The following DGKB variants were observed in gnomAD, a reference collection of about 807,000 sequenced individuals.
DGKB encodes the protein 90 kDa diacylglycerol kinase.
Under a neutral mutation model 114.3 loss-of-function variants are expected in DGKB, and 67 were observed. The observed-to-expected ratio is 0.59, with a 90% confidence interval of 0.48 to 0.72. The LOEUF is 0.72. Among genes scored for constraint, DGKB ranks in the 30% least tolerant of loss-of-function variants. The pLI is 0.00. For missense variants in DGKB, 907 were observed against 975.2 expected, an observed-to-expected ratio of 0.93 and a Z score of 0.93; for synonymous variants, 398 against 323.1, an observed-to-expected ratio of 1.23 and a Z score of -2.49.
At chr7:14,826,480 T>C (rs562990198) in intron 2 of DGKB, among the ~76,000 whole-genome samples, 2 of 152,242 alleles carry the variant, frequency 1.3e-5, no homozygotes, top group South Asian at 4.1e-4. Context: ...CTATATTCAT[T>C]TTCTTTCTTT....
At chr7:14,340,327 G>T (rs1398297528) in intron 22 of DGKB, among the ~76,000 whole-genome samples, 1 of 151,402 alleles carries the variant, frequency 6.6e-6, no homozygotes, top group Admixed American at 6.6e-5. Flanking sequence ...AAGTAATCTT[G>T]TGTAAATACC....
intron 1 of DGKB, among the ~76,000 whole-genome samples, chr7:14,941,824 A>G (rs1283261143): frequency 6.6e-6 from 1 of 152,092 alleles, no homozygotes. Context: ...AGATGAATAA[A>G]ACGGATGATT....
At chr7:14,788,655 G>A (rs905759093) in intron 2 of DGKB, among the ~76,000 whole-genome samples, 2 of 152,084 alleles carry the variant, frequency 1.3e-5, no homozygotes, top group Non-Finnish European at 2.9e-5. Context: ...TCCCAAGCCT[G>A]ATGAGCCTCT....
At chr7:14,942,911 T>C (rs67808393) in intron 1 of DGKB, among the ~76,000 whole-genome samples, 20,174 of 151,992 alleles carry the variant, frequency 0.13, 1,400 homozygotes, top group Admixed American at 0.19. Flanking sequence ...AAGCCTGATC[T>C]AGCATTATAT....
chr7:14,781,185 C>T (rs906207972), intron 2 of DGKB, among the ~76,000 whole-genome samples: 2 of 152,190 alleles, frequency 1.3e-5, no homozygotes, highest in Non-Finnish European at 2.9e-5. Context: ...AGCAAGGGGC[C>T]GACTAACTCA....
chr7:14,603,124 T>TTTA (rs1448968303), intron 17 of DGKB, among the ~76,000 whole-genome samples: 7 of 151,990 alleles, frequency 4.6e-5, no homozygotes, highest in African/African-American at 1.7e-4. Flanking sequence ...TTTTGTTACT[T>TTTA]TTATTAATCC....
intron 20 of DGKB, among the ~76,000 whole-genome samples, chr7:14,556,478 G>C (rs1250040941): frequency 6.6e-6 from 1 of 151,732 alleles, no homozygotes; most frequent in Non-Finnish European, 1.5e-5. Flanking sequence ...TTAAAAATTT[G>C]TTGACTGACA....
chr7:14,864,862 A>G lies in DGKB; in HGVS notation c.-187-23412T>C, dbSNP rs2128186318. Among the ~76,000 whole-genome samples, 3 of 152,250 alleles carry G rather than the reference A, an allele frequency of 2.0e-5. No individual in the cohort carries two copies. The South Asian group carries it at 6.2e-4, about 32-fold the overall frequency. Reference sequence around the variant, plus strand: ...AGACTTAATCCTTTAGGGATGGGTAACTATTTTTAAAATACAAGTGGGAGA... The same window carrying G: ...AGACTTAATCCTTTAGGGATGGGTAGCTATTTTTAAAATACAAGTGGGAGA... On this transcript the variant is annotated intron_variant, in intron 1 of 25. Coordinates refer to ENST00000402815, the MANE Select transcript of DGKB (RefSeq NM_001350709.2).
chr7:14,700,732 C>G (rs1301898969), intron 7 of DGKB, among the ~76,000 whole-genome samples: 1 of 152,094 alleles, frequency 6.6e-6, no homozygotes, highest in Non-Finnish European at 1.5e-5. Context: ...GGTGGTCTAT[C>G]AGATGACGAG....
chr7:14,564,718 G>A (rs1797142144), intron 20 of DGKB, among the ~76,000 whole-genome samples: 2 of 151,894 alleles, frequency 1.3e-5, no homozygotes, highest in South Asian at 4.2e-4. Flanking sequence ...AGACTTCTTA[G>A]CAGCTTTCTA....
chr7:14,897,014 A>T (rs142561161), intron 1 of DGKB, among the ~76,000 whole-genome samples: 2 of 151,950 alleles, frequency 1.3e-5, no homozygotes, highest in East Asian at 1.9e-4. Context: ...TCATTCCGAG[A>T]TTACTCTATT....
intron 21 of DGKB, among the ~76,000 whole-genome samples, chr7:14,411,429 G>T (rs1212422132): frequency 6.6e-6 from 1 of 152,190 alleles, no homozygotes; most frequent in Non-Finnish European, 1.5e-5. Context: ...AGATACGGGA[G>T]TAAAGAACTA....
intron 5 of DGKB, among the ~76,000 whole-genome samples, chr7:14,730,778 A>G (rs1830791195): frequency 1.3e-5 from 2 of 152,178 alleles, no homozygotes; most frequent in African/African-American, 4.8e-5. Flanking sequence ...GTACTCATGT[A>G]TCTCCAGCAC....
At chr7:14,224,642 G>T (rs1790501164) in intron 23 of DGKB, among the ~76,000 whole-genome samples, 1 of 151,840 alleles carries the variant, frequency 6.6e-6, no homozygotes, top group South Asian at 2.1e-4. Flanking sequence ...GGACTTGTTT[G>T]CTTGTTTGTT....
At chr7:14,257,780 G>A (rs1279282159) in intron 23 of DGKB, among the ~76,000 whole-genome samples, 1 of 152,180 alleles carries the variant, frequency 6.6e-6, no homozygotes, top group East Asian at 1.9e-4. Flanking sequence ...AGGCTGGAGT[G>A]CAATGGCACG....
chr7:14,238,625 G>C (rs983274803), intron 23 of DGKB, among the ~76,000 whole-genome samples: 11 of 151,800 alleles, frequency 7.2e-5, no homozygotes, highest in Non-Finnish European at 1.5e-4. Context: ...TTCTGAAAAT[G>C]GTACAGGACA....
intron 1 of DGKB, among the ~76,000 whole-genome samples, chr7:14,901,605 A>ACCCCCCCCCCCCCC (rs1300363624): frequency 1.6e-5 from 2 of 123,094 alleles, no homozygotes; most frequent in African/African-American, 3.1e-5. Flanking sequence ...AGGGATTTCC[A>ACCCCCCCCCCCCCC]CCCCCCCCCA....
chr7:14,312,012 A>AT (rs11318713), intron 23 of DGKB, among the ~76,000 whole-genome samples: 35 of 151,184 alleles, frequency 2.3e-4, no homozygotes, highest in African/African-American at 3.9e-4. Context: ...CAGCTATGTT[A>AT]TTTTTTTTTT....
intron 20 of DGKB, among the ~76,000 whole-genome samples, chr7:14,551,618 T>C (rs1015769580): frequency 6.6e-6 from 1 of 152,130 alleles, no homozygotes; most frequent in Non-Finnish European, 1.5e-5. Context: ...TATCTGTTGA[T>C]GTCAGCAAGC....
Sources: allele counts gnomAD v4.1 joint callset (sites outside exome capture counted in the v4.1 genomes callset), GRCh38; gene constraint gnomAD v4.1.1; transcripts MANE v1.5; gene names NCBI Gene and HGNC (gene_info 2026-07-23, HGNC 2026-07-21).